The following ZNF783 variants were observed in gnomAD, a reference collection of about 807,000 sequenced individuals.
The protein encoded by ZNF783 is protein ZNF783.
In ZNF783, 25 loss-of-function variants were observed where a neutral mutation model predicts 31.3. The observed-to-expected ratio is 0.80, with a 90% CI of 0.58 to 1.11. ZNF783 has a LOEUF of 1.11. ZNF783 is among the 50% of genes most tolerant of loss of function. The pLI, the probability that ZNF783 is intolerant of heterozygous loss-of-function variation, is 0.00. For synonymous variants in ZNF783, 369 were observed against 319.1 expected, an observed-to-expected ratio of 1.16 and a Z score of -1.66; for missense variants, 797 against 760.0, an observed-to-expected ratio of 1.05 and a Z score of -0.57.
rs1407105160 is a variant in ZNF783 at position 149,266,492 on chromosome 7, T to C, written c.182T>C (p.Leu61Pro). ...TTGGAGAAGAAGGTGGATTCCTGCC[T>C]GACCCGCTTGCTGACTCTGGAGGGG... ...QALEKKVDSCLTRLLTLEGRT... is the reference protein window; with the variant it reads ...QALEKKVDSCPTRLLTLEGRT... Residue 61 changes from leucine (L) to proline (P), a missense_variant, in exon 2 of 6, where the codon CTG (leucine) becomes CCG (proline). Physicochemically the swap from Leu to Pro is moderately conservative, Grantham distance 98. Transcript: ENST00000434415. 6.2e-7 allele frequency: 1 copy of C among 1,613,372 alleles called. No individual in the cohort carries two copies. The highest frequency in any genetic ancestry group is 8.5e-7 in the Non-Finnish European group (1 of 1,180,024).
rs1414537704 is a variant in ZNF783, at chr7:149,263,298, GTGTGTGTATATATATA to G, written c.24+943_24+958del. On this transcript the variant is annotated intron_variant, in intron 1 of 5. Transcript: ENST00000434415. ...TGTGTGTGTGTGTGTGTGTGTGTGT[GTGTGTGTATATATATA>G]TATATATATATTTTTTTTTTAGACA... Among the ~76,000 whole-genome samples, 11 of 68,034 alleles carry G rather than the reference GTGTGTGTATATATATA, an allele frequency of 1.6e-4. No homozygotes were observed. In the East Asian group the frequency reaches 4.1e-3, roughly 26 times the overall value. The allele number at this position is 68,034 out of a possible 152,430, so 44.6% of individuals were successfully genotyped here.
Position 149,282,957 on chromosome 7 carries a change from G to GTTTTTTTTTTTTTTTTTTTTTTTTTT in ZNF783, c.*624_*625insTTTTTTTTTTTTTTTTTTTTTTTTTT. On this transcript the variant is annotated 3_prime_UTR_variant, in exon 6 of 6. Transcript: ENST00000434415. Reference sequence around the variant, plus strand: ...CGTCCACCAGCCTGTGGGTCTTTTGGTTTTTTTTTTGTTGTTGTTGTTGTT... The same window carrying GTTTTTTTTTTTTTTTTTTTTTTTTTT: ...CGTCCACCAGCCTGTGGGTCTTTTGGTTTTTTTTTTTTTTTTTTTTTTTTTTTTTTTTTTTTGTTGTTGTTGTTGTT... 7.4e-6 allele frequency: 1 copy of GTTTTTTTTTTTTTTTTTTTTTTTTTT among 134,350 alleles called. No homozygotes were observed. Among genetic ancestry groups the GTTTTTTTTTTTTTTTTTTTTTTTTTT allele is most frequent in the Non-Finnish European group, 1.6e-5 (1 of 62,528 alleles). 8.3% of individuals were successfully genotyped at this position (134,350 alleles called of 1,614,324 possible).
Position 149,266,202 on chromosome 7 carries a change from C to A in ZNF783, c.25-133C>A, listed in dbSNP as rs111987824. On this transcript the variant is annotated intron_variant, in intron 1 of 5. Coordinates refer to ENST00000434415, the MANE Select transcript of ZNF783 (RefSeq NM_001195220.2). ...ATACCCTAGCCTCTCCCTCTCCCCC[C>A]CAGTCTGCTGCTAACTCAGGAGCCC... 575 of 1,057,246 alleles carry A rather than the reference C, an allele frequency of 5.4e-4. 3 individuals are homozygous for A. In the African/African-American group the frequency reaches 7.4e-3, roughly 14 times the overall value. The allele number at this position is 1,057,246 out of a possible 1,614,324, so 65.5% of individuals were successfully genotyped here. A position where few individuals can be genotyped will look rare whatever the true frequency, so the allele number is the denominator to read the frequency against.
chr7:149,269,964 T>A (rs1426214282), intron 4 of ZNF783, among the ~76,000 whole-genome samples: 1 of 152,112 alleles, frequency 6.6e-6, no homozygotes, highest in Non-Finnish European at 1.5e-5. Context: ...AATGATGGTT[T>A]CCAGCTTCAT....
At position 149,281,978 on chromosome 7, in the gene ZNF783, G is replaced by A. The variant is rs2129525246; in HGVS notation, c.1276G>A (p.Val426Met). 2 of 1,573,996 alleles carry A rather than the reference G, an allele frequency of 1.3e-6. No individual in the cohort carries two copies. The highest frequency in any genetic ancestry group is 1.7e-6 in the Non-Finnish European group (2 of 1,167,992). Residue 426 changes from valine to methionine, a missense_variant, in exon 6 of 6, where the codon GTG (valine) becomes ATG (methionine). By Grantham distance (21) the Val-to-Met change is conservative (BLOSUM62 1). Coordinates refer to ENST00000434415, the MANE Select transcript of ZNF783 (RefSeq NM_001195220.2). Reference sequence around the variant, plus strand: ...CTCCGTGGCAGGGGGCCGTGCCTTGGTGGGGCGGCGGCCTGCAGCCAGCAA... The same window carrying A: ...CTCCGTGGCAGGGGGCCGTGCCTTGATGGGGCGGCGGCCTGCAGCCAGCAA... ...RRSVAGGRAL[V>M]GRRPAASKMY...
chr7:149,282,326 C>G lies in ZNF783; in HGVS notation c.1624C>G (p.Arg542Gly), dbSNP rs1178308856. 2 of 1,534,540 alleles carry G rather than the reference C, an allele frequency of 1.3e-6. No homozygotes were observed. Among genetic ancestry groups the G allele is most frequent in the Admixed American group, 2.0e-5 (1 of 51,170 alleles). ...HGSLPLPWPS[R>G]KEEG The stretch of plus-strand genomic sequence containing the variant: ...GAGCCTGCCCCTGCCCTGGCCCAGC[C>G]GGAAGGAGGAGGGCTGACCTGGCAG... The change falls in exon 6 of 6, where the codon CGG (arginine) becomes GGG (glycine). Residue 542 changes from arginine to glycine, a missense_variant. Physicochemically the swap from Arg to Gly is moderately radical, Grantham distance 125 (BLOSUM62 -2). Coordinates refer to ENST00000434415, the MANE Select transcript of ZNF783 (RefSeq NM_001195220.2).
intron 5 of ZNF783, among the ~76,000 whole-genome samples, chr7:149,280,628 G>A (rs547662426): frequency 2.6e-5 from 4 of 152,330 alleles, no homozygotes; most frequent in South Asian, 4.1e-4. Flanking sequence ...CATGTGGTCC[G>A]ATGATGATGG....
Position 149,282,302 on chromosome 7 carries a change from A to G in ZNF783, c.1600A>G (p.Ser534Gly). ...CCCTGCCGCCCCCGCCCGCCACGGG[A>G]GCCTGCCCCTGCCCTGGCCCAGCCG... ...HFPAAPARHG[S>G]LPLPWPSRKE... is the part of the protein sequence containing the mutation. The change falls in exon 6 of 6, where the codon AGC (serine) becomes GGC (glycine). Residue 534 changes from serine (S) to glycine (G), a missense_variant. Ser to Gly is a moderately conservative substitution (Grantham distance 56, BLOSUM62 0). Coordinates refer to ENST00000434415, the MANE Select transcript of ZNF783 (RefSeq NM_001195220.2). 6.4e-7 allele frequency: 1 copy of G among 1,567,644 alleles called. No individual in the cohort carries two copies. Among genetic ancestry groups the G allele is most frequent in the Non-Finnish European group, 8.6e-7 (1 of 1,165,116 alleles).
At chr7:149,276,350 A>G in intron 4 of ZNF783, 1 of 989,240 alleles carries the variant, frequency 1.0e-6, no homozygotes, top group East Asian at 1.1e-4. Context: ...TCTTTGTTGT[A>G]GGAAGGATCC....
rs1220834748 is a variant in ZNF783, at chr7:149,283,750, G to C, written c.*1407G>C. ...CTCATGTTCCTCTTCTGTCAAAGGG[G>C]TCATGGCCCCAGTGTGTCCTACCTC... On this transcript the variant is annotated 3_prime_UTR_variant, in exon 6 of 6. Transcript: ENST00000434415. 6.6e-6 allele frequency: 1 copy of C among 152,238 alleles called. No individual in the cohort carries two copies. Among genetic ancestry groups the C allele is most frequent in the East Asian group, 1.9e-4 (1 of 5,202 alleles). The allele number at this position is 152,238 out of a possible 1,614,324, so 9.4% of individuals were successfully genotyped here. A position where few individuals can be genotyped will look rare whatever the true frequency, so the allele number is the denominator to read the frequency against.
intron 4 of ZNF783, among the ~76,000 whole-genome samples, chr7:149,272,107 T>G (rs939385839): frequency 1.3e-5 from 2 of 152,152 alleles, no homozygotes; most frequent in Non-Finnish European, 1.5e-5. Context: ...AATCCCTGAC[T>G]CCTGGGTTCA....
Position 149,282,039 on chromosome 7 carries a change from A to C in ZNF783, c.1337A>C (p.Gln446Pro), listed in dbSNP as rs749654912. The C allele has an allele frequency of 1.9e-6, 3 of 1,591,476 alleles. No individual in the cohort carries two copies. Among genetic ancestry groups the C allele is most frequent in the East Asian group, 2.2e-5 (1 of 44,586 alleles). The change falls in exon 6 of 6, where the codon CAG becomes CCG. Residue 446 changes from glutamine to proline, a missense_variant. Coordinates refer to ENST00000434415, the MANE Select transcript of ZNF783 (RefSeq NM_001195220.2). ...TGCAGCGAGTGCCTGCGCTTCTTCCAGCAGCGCAAGAGCCTGCTGCTGCAC... is the reference window on the plus strand; with the variant it reads ...TGCAGCGAGTGCCTGCGCTTCTTCCCGCAGCGCAAGAGCCTGCTGCTGCAC... ...YHCSECLRFF[Q>P]QRKSLLLHQR...
chr7:149,270,978 C>T (rs543966833), intron 4 of ZNF783, among the ~76,000 whole-genome samples: 10 of 152,318 alleles, frequency 6.6e-5, no homozygotes, highest in African/African-American at 9.6e-5. Context: ...GACGGAGCCT[C>T]GCTCTGTCGC....
intron 1 of ZNF783, among the ~76,000 whole-genome samples, chr7:149,265,945 T>C (rs187177616): frequency 3.8e-4 from 58 of 152,286 alleles, no homozygotes; most frequent in Admixed American, 3.8e-3. Flanking sequence ...GGAGTCATGT[T>C]CTCTGTGCCA....
chr7:149,284,238 C>A lies in ZNF783; in HGVS notation c.*1895C>A, dbSNP rs1797550141. ...GCACTGTGACCACGCTTCAGGGCTG[C>A]TTCTGGGGGTCTTGGTCCCTGGATG... On this transcript the variant is annotated 3_prime_UTR_variant, in exon 6 of 6. Coordinates refer to ENST00000434415, the MANE Select transcript of ZNF783 (RefSeq NM_001195220.2). The A allele has an allele frequency of 6.6e-6, 1 of 152,332 alleles. No individual in the cohort carries two copies. The highest frequency in any genetic ancestry group is 6.5e-5 in the Admixed American group (1 of 15,288). The allele number at this position is 152,332 out of a possible 1,614,324, so 9.4% of individuals were successfully genotyped here. A position where few individuals can be genotyped will look rare whatever the true frequency, so the allele number is the denominator to read the frequency against.
In ZNF783 at chr7:149,281,620, G is replaced by T; in HGVS notation, c.918G>T (p.Arg306Ser). The T allele has an allele frequency of 6.5e-7, 1 of 1,549,330 alleles. No individual in the cohort carries two copies. Among genetic ancestry groups the T allele is most frequent in the South Asian group, 1.2e-5 (1 of 83,306 alleles). The change falls in exon 6 of 6, where the codon AGG becomes AGT. Residue 306 changes from arginine (R) to serine (S), a missense_variant. Coordinates refer to ENST00000434415, the MANE Select transcript of ZNF783 (RefSeq NM_001195220.2). Reference protein sequence around the residue: ...QTECRIPRGPRNRPGGPSRHQ... With the variant: ...QTECRIPRGPSNRPGGPSRHQ... ...AGTGTAGAATCCCCCGAGGGCCCAG[G>T]AACAGGCCTGGGGGCCCCAGCCGTC...
chr7:149,264,333 C>A (rs566128906), intron 1 of ZNF783, among the ~76,000 whole-genome samples: 1 of 152,226 alleles, frequency 6.6e-6, no homozygotes, highest in East Asian at 1.9e-4. Context: ...ATCTTAAAAA[C>A]GAGAGAGACT....
rs3735313 is a variant in ZNF783 at position 149,281,956 on chromosome 7, C to T, written c.1254C>T (p.Ser418=). 1,368 of 1,566,304 alleles carry T rather than the reference C, an allele frequency of 8.7e-4. 24 individuals carry two copies. In the East Asian group the frequency reaches 0.027, roughly 31 times the overall value. Residue 418 remains serine, a synonymous_variant, in exon 6 of 6, where the codon TCC becomes TCT. Transcript: ENST00000434415. Reference sequence around the variant, plus strand: ...CCGAGGAGCCTGAGGGTCGCCGCTCCGTGGCAGGGGGCCGTGCCTTGGTGG... The same window carrying T: ...CCGAGGAGCCTGAGGGTCGCCGCTCTGTGGCAGGGGGCCGTGCCTTGGTGG... ...WLPEEPEGRR[S]VAGGRALVGR...
rs1269029087 is a variant in ZNF783 at position 149,262,218 on chromosome 7, G to C, written c.-116G>C. ...CTCGGGACGCAGTTCGCTGCCGCCC[G>C]GCAGTAGCTCTCAGGTTAGGCGGGT... On this transcript the variant is annotated 5_prime_UTR_variant, in exon 1 of 6. Transcript: ENST00000434415. 4 of 965,680 alleles carry C rather than the reference G, an allele frequency of 4.1e-6. No individual in the cohort carries two copies. Among genetic ancestry groups the C allele is most frequent in the South Asian group, 5.5e-5 (2 of 36,170 alleles). The allele number at this position is 965,680 out of a possible 1,614,324, so 59.8% of individuals were successfully genotyped here.
Sources: gnomAD v4.1 joint callset for allele counts (sites outside exome capture counted in the v4.1 genomes callset) on GRCh38, gnomAD v4.1.1 for gene constraint, MANE v1.5 for transcripts, NCBI Gene and HGNC (gene_info 2026-07-23, HGNC 2026-07-21) for gene names.